The following PCDH7 variants were observed in gnomAD, a reference collection of about 807,000 sequenced individuals.
PCDH7 encodes the protein protocadherin-7.
In PCDH7, 17 loss-of-function variants were observed where a neutral mutation model predicts 58.9. The observed-to-expected ratio is 0.29, with a 90% CI of 0.20 to 0.43. The LOEUF (loss-of-function observed/expected upper bound fraction) is 0.43. PCDH7 is among the 20% of genes least tolerant of loss of function. PCDH7 has a pLI of 1.00. For synonymous variants in PCDH7, 664 were observed against 616.4 expected, an observed-to-expected ratio of 1.08 and a Z score of -1.14; for missense variants, 1,274 against 1,441.0, an observed-to-expected ratio of 0.88 and a Z score of 1.88.
At chr4:30,979,734 G>C (rs889811657) in intron 3 of PCDH7, among the ~76,000 whole-genome samples, 7 of 151,898 alleles carry the variant, frequency 4.6e-5, no homozygotes, top group African/African-American at 1.7e-4. Flanking sequence ...CAAAGGCCTT[G>C]AAGTCAGGGA....
intron 2 of PCDH7, among the ~76,000 whole-genome samples, chr4:30,948,547 A>G (rs1560526478): frequency 6.6e-6 from 1 of 152,156 alleles, no homozygotes; most frequent in Non-Finnish European, 1.5e-5. Context: ...AAAATATTAC[A>G]TGCAATATCA....
At chr4:31,098,763 G>C (rs917917822) in intron 3 of PCDH7, among the ~76,000 whole-genome samples, 2 of 152,090 alleles carry the variant, frequency 1.3e-5, no homozygotes, top group African/African-American at 2.4e-5. Context: ...TTTTAATATG[G>C]AGTATATCAA....
intron 3 of PCDH7, among the ~76,000 whole-genome samples, chr4:31,007,246 G>A (rs1275080628): frequency 6.6e-6 from 1 of 151,736 alleles, no homozygotes; most frequent in Non-Finnish European, 1.5e-5. Flanking sequence ...ATACTCACTT[G>A]CATTTGTTGA....
In PCDH7 at chr4:30,744,855, G is replaced by A. The variant is rs147003175; in HGVS notation, c.70+20259G>A. Among the ~76,000 whole-genome samples the A allele has an allele frequency of 4.6e-5, 7 of 152,266 alleles. No homozygotes were observed. The East Asian group carries it at 1.4e-3, about 29-fold the overall frequency. On this transcript the variant is annotated intron_variant, in intron 1 of 3. Transcript: ENST00000509759. ...ATTAATTCTTTAATTGTCAATCCTA[G>A]AACCAGTTAATGAGCAATTCCCATT...
intron 1 of PCDH7, among the ~76,000 whole-genome samples, chr4:30,907,125 T>C (rs1741045058): frequency 6.6e-6 from 1 of 152,114 alleles, no homozygotes; most frequent in Non-Finnish European, 1.5e-5. Context: ...AAACCAAGAT[T>C]CAAGCTGATG....
intron 1 of PCDH7, among the ~76,000 whole-genome samples, chr4:30,902,355 A>G (rs1230366298): frequency 6.6e-6 from 1 of 152,064 alleles, no homozygotes. Context: ...ATCCCTAGTT[A>G]ATTCATGATC....
At chr4:30,884,179 C>G (rs1737369793) in intron 1 of PCDH7, among the ~76,000 whole-genome samples, 1 of 152,146 alleles carries the variant, frequency 6.6e-6, no homozygotes, top group African/African-American at 2.4e-5. Context: ...CACCTTATTA[C>G]TCGCCAAACA....
downstream of PCDH7, among the ~76,000 whole-genome samples, chr4:30,736,660 C>T (rs144066791): frequency 4.6e-3 from 699 of 151,658 alleles, 6 homozygotes; most frequent in African/African-American, 0.016. Context: ...CTCAGCCTCC[C>T]GAGTAGCTGG....
intron 3 of PCDH7, among the ~76,000 whole-genome samples, chr4:31,108,226 T>G (rs1257949431): frequency 1.3e-5 from 2 of 151,792 alleles, no homozygotes; most frequent in African/African-American, 4.8e-5. Context: ...AAAGGTGAGT[T>G]TTTCTTTTCA....
Position 30,883,975 on chromosome 4 carries a change from T to G in PCDH7, c.71-36178T>G, listed in dbSNP as rs570327963. Among the ~76,000 whole-genome samples the G allele has an allele frequency of 2.0e-5, 3 of 152,302 alleles. No individual in the cohort carries two copies. The East Asian group carries it at 5.8e-4, about 29-fold the overall frequency. On this transcript the variant is annotated intron_variant, in intron 1 of 3. Transcript: ENST00000509759. ...ATTGACAAATTGGTTCCTTTAACAT[T>G]TTCCTCTCCTTTTGTAACTTTTAAT... is the stretch of plus-strand genomic sequence containing the variant.
chr4:31,128,754 C>G (rs1441760572), intron 3 of PCDH7, among the ~76,000 whole-genome samples: 1 of 152,136 alleles, frequency 6.6e-6, no homozygotes, highest in Non-Finnish European at 1.5e-5. Flanking sequence ...ACCCTGCTCC[C>G]TAGGCTGGGT....
chr4:30,728,757 A>G (rs1164590514), intron 1 of PCDH7, among the ~76,000 whole-genome samples: 1 of 151,640 alleles, frequency 6.6e-6, no homozygotes, highest in Admixed American at 6.6e-5. Flanking sequence ...GCCATCTAGT[A>G]CAATAAATAT....
chr4:31,138,975 CAAA>C (rs199822943), intron 3 of PCDH7, among the ~76,000 whole-genome samples: 4 of 88,932 alleles, frequency 4.5e-5, no homozygotes, highest in Admixed American at 1.3e-4. Flanking sequence ...GATCCTGTCT[CAAA>C]AAAAAAAAAA....
At chr4:31,074,149 C>G (rs1431509929) in intron 3 of PCDH7, among the ~76,000 whole-genome samples, 1 of 151,838 alleles carries the variant, frequency 6.6e-6, no homozygotes, top group African/African-American at 2.4e-5. Flanking sequence ...CCAAAACCCC[C>G]GTCACATTCA....
chr4:30,989,841 T>C (rs994195929), intron 3 of PCDH7, among the ~76,000 whole-genome samples: 2 of 152,098 alleles, frequency 1.3e-5, no homozygotes, highest in Non-Finnish European at 1.5e-5. Context: ...GGGAGAGAGA[T>C]TGAGAAATAT....
At chr4:31,004,365 T>C (rs1162757542) in intron 3 of PCDH7, among the ~76,000 whole-genome samples, 1 of 152,084 alleles carries the variant, frequency 6.6e-6, no homozygotes, top group African/African-American at 2.4e-5. Context: ...CTTTATTTAC[T>C]AACCTAGGAA....
intron 1 of PCDH7, chr4:30,884,635 A>G (rs1737453213): frequency 6.6e-6 from 1 of 152,152 alleles, no homozygotes; most frequent in Admixed American, 6.6e-5. Flanking sequence ...CGAATATTAC[A>G]CTTTGTTGTT....
intron 3 of PCDH7, among the ~76,000 whole-genome samples, chr4:31,115,779 C>G (rs970904790): frequency 6.6e-6 from 1 of 152,176 alleles, no homozygotes. Flanking sequence ...GTAATTGGAT[C>G]TCACACAACA....
chr4:30,749,357 G>T (rs1028173384), intron 1 of PCDH7, among the ~76,000 whole-genome samples: 1 of 152,154 alleles, frequency 6.6e-6, no homozygotes, highest in Non-Finnish European at 1.5e-5. Flanking sequence ...TTGTATGAAT[G>T]AGAAAATTTC....
Sources: allele counts gnomAD v4.1 joint callset (sites outside exome capture counted in the v4.1 genomes callset), GRCh38; gene constraint gnomAD v4.1.1; transcripts MANE v1.5; gene names NCBI Gene and HGNC (gene_info 2026-07-23, HGNC 2026-07-21).